Variants in MYO1B observed in about 807,000 individuals in gnomAD.
MYO1B encodes the protein unconventional myosin-Ib.
Under a neutral mutation model 159.7 loss-of-function variants are expected in MYO1B, and 72 were observed. The observed-to-expected ratio is 0.45, with a 90% CI of 0.37 to 0.55. The LOEUF (loss-of-function observed/expected upper bound fraction) is 0.55, where lower values mean the gene tolerates loss of function less well. Ranked by LOEUF, MYO1B falls within the 20% of genes least tolerant of loss-of-function variation. MYO1B has a pLI of 0.00. For missense variants in MYO1B, 1,062 were observed against 1,364.8 expected, an observed-to-expected ratio of 0.78 and a Z score of 3.50; for synonymous variants, 468 against 473.8, an observed-to-expected ratio of 0.99 and a Z score of 0.16.
intron 2 of MYO1B, among the ~76,000 whole-genome samples, chr2:191,282,730 C>G (rs1029901425): frequency 2.3e-4 from 35 of 152,118 alleles, no homozygotes; most frequent in African/African-American, 8.0e-4. Flanking sequence ...CAGACCTTTA[C>G]CCAGGTAATC....
intron 2 of MYO1B, among the ~76,000 whole-genome samples, chr2:191,291,482 C>T (rs921815475): frequency 1.3e-5 from 2 of 152,068 alleles, no homozygotes; most frequent in African/African-American, 4.8e-5. Context: ...GCTTCTCTTC[C>T]CTCCCACATC....
intron 26 of MYO1B, among the ~76,000 whole-genome samples, chr2:191,410,054 A>T (rs1290827682): frequency 6.6e-6 from 1 of 152,226 alleles, no homozygotes; most frequent in East Asian, 1.9e-4. Context: ...CATACAACAT[A>T]AGGAACTAGA....
chr2:191,347,978 C>T (rs1204359812), intron 6 of MYO1B, among the ~76,000 whole-genome samples: 2 of 152,198 alleles, frequency 1.3e-5, no homozygotes, highest in African/African-American at 4.8e-5. Context: ...CTCATCGTAG[C>T]TCACATTTTG....
intron 3 of MYO1B, among the ~76,000 whole-genome samples, chr2:191,309,477 C>A (rs1689861616): frequency 6.6e-6 from 1 of 152,162 alleles, no homozygotes; most frequent in African/African-American, 2.4e-5. Context: ...ATGGCCACTG[C>A]CTAGAGTGAT....
intron 3 of MYO1B, among the ~76,000 whole-genome samples, chr2:191,320,892 G>T (rs955693966): frequency 6.6e-5 from 10 of 151,940 alleles, no homozygotes; most frequent in Non-Finnish European, 1.2e-4. Flanking sequence ...AGTTCAAATG[G>T]CATCTCTGCC....
Position 191,421,493 on chromosome 2 carries a change from G to A in MYO1B, c.3288-2344G>A, listed in dbSNP as rs572219706. ...AAGTGGTCTTTTTTATTTATTTTGA[G>A]GCAGAGTCTCCCTCTGTCACCCAGG... On this transcript the variant is annotated intron_variant, in intron 30 of 30. Transcript: ENST00000392318. 4.4e-4 allele frequency among the ~76,000 whole-genome samples: 67 copies of A among 152,118 alleles called. No individual in the cohort carries two copies. The South Asian group carries it at 8.8e-3, about 20-fold the overall frequency.
At chr2:191,289,502 T>C (rs1688574980) in intron 2 of MYO1B, among the ~76,000 whole-genome samples, 1 of 152,228 alleles carries the variant, frequency 6.6e-6, no homozygotes, top group South Asian at 2.1e-4. Context: ...CTATGCCAGC[T>C]GTTCAATAGG....
At chr2:191,369,658 G>A in intron 12 of MYO1B, 30 bp downstream of exon 12, 2 of 1,499,540 alleles carry the variant, frequency 1.3e-6, no homozygotes, top group Non-Finnish European at 1.9e-6. Context: ...AAAATCAGTT[G>A]TAATAAATGG....
At position 191,336,881 on chromosome 2, in the gene MYO1B, T is replaced by G. The variant is rs947990378; in HGVS notation, c.347-4580T>G. ...AACTTTGGTGTCTTAACTAGAGAGA[T>G]AGAGAGGTAAAGAAGGAGATAAATA... On this transcript the variant is annotated intron_variant, in intron 4 of 30. Transcript: ENST00000392318. Among the ~76,000 whole-genome samples, 3 of 152,092 alleles carry G rather than the reference T, an allele frequency of 2.0e-5. No individual in the cohort carries two copies. In the East Asian group the frequency reaches 5.8e-4, roughly 29 times the overall value.
chr2:191,328,447 G>T lies in MYO1B; in HGVS notation c.252-1488G>T, dbSNP rs1574438136. Among the ~76,000 whole-genome samples the T allele has an allele frequency of 2.0e-5, 3 of 152,310 alleles. No individual in the cohort carries two copies. In the South Asian group the frequency reaches 6.2e-4, roughly 32 times the overall value. On this transcript the variant is annotated intron_variant, in intron 3 of 30. Coordinates refer to ENST00000392318, the MANE Select transcript of MYO1B (RefSeq NM_001130158.3). ...CAAAGGTGCTTTATCCCAGTGGTCA[G>T]TCGCAGGCGTTAGCTCTGGCCCTGC...
chr2:191,423,915 A>C lies in MYO1B; in HGVS notation c.3366A>C (p.Thr1122=). ...QGNQKNGSVP[T]CKRKNNRLLE... ...ACCAGAAAAATGGGAGTGTCCCAAC[A>C]TGTAAACGAAAAAACAACCGTCTCC... The change falls in exon 31 of 31, where the codon ACA becomes ACC. Residue 1122 remains threonine (T), a synonymous_variant. Coordinates refer to ENST00000392318, the MANE Select transcript of MYO1B (RefSeq NM_001130158.3). The C allele has an allele frequency of 6.2e-7, 1 of 1,614,016 alleles. No homozygotes were observed. The highest frequency in any genetic ancestry group is 8.5e-7 in the Non-Finnish European group (1 of 1,179,916).
At chr2:191,293,745 T>A (rs1251680986) in intron 2 of MYO1B, among the ~76,000 whole-genome samples, 1 of 152,194 alleles carries the variant, frequency 6.6e-6, no homozygotes, top group Non-Finnish European at 1.5e-5. Context: ...CTTTATGACC[T>A]GTATCTCATG....
chr2:191,393,402 G>A (rs1046594207), intron 20 of MYO1B, among the ~76,000 whole-genome samples, 180 bp downstream of exon 20: 10 of 152,278 alleles, frequency 6.6e-5, no homozygotes. Flanking sequence ...AAGCTGTTAA[G>A]TAATTTGCCC....
At chr2:191,299,664 G>T (rs1476993239) in intron 3 of MYO1B, among the ~76,000 whole-genome samples, 3 of 152,108 alleles carry the variant, frequency 2.0e-5, no homozygotes, top group African/African-American at 7.2e-5. Context: ...ATTTGATGAG[G>T]GTTCAGTAAA....
chr2:191,302,066 C>G (rs757488909), intron 3 of MYO1B, among the ~76,000 whole-genome samples: 1 of 152,218 alleles, frequency 6.6e-6, no homozygotes, highest in Non-Finnish European at 1.5e-5. Context: ...CATGTCTTTT[C>G]CTTTCTACGT....
At chr2:191,267,967 T>C (rs1333448660) in intron 1 of MYO1B, among the ~76,000 whole-genome samples, 2 of 152,196 alleles carry the variant, frequency 1.3e-5, no homozygotes, top group Admixed American at 1.3e-4. Context: ...TATGCATTTA[T>C]TTATTCATTT....
intron 4 of MYO1B, among the ~76,000 whole-genome samples, chr2:191,330,845 G>A (rs1691423633): frequency 6.6e-6 from 1 of 152,122 alleles, no homozygotes; most frequent in Admixed American, 6.5e-5. Context: ...AATTATTTTA[G>A]TATTCAAAGG....
chr2:191,282,704 CT>C lies in MYO1B; in HGVS notation c.135+5678del, dbSNP rs906357286. Reference sequence around the variant, plus strand: ...AGAGTTGGAAGTAGGAGGAGGTTCTCTTTTATCTAGACGGGCAGACCTTTAC... The same window carrying C: ...AGAGTTGGAAGTAGGAGGAGGTTCTCTTTATCTAGACGGGCAGACCTTTAC... On this transcript the variant is annotated intron_variant, in intron 2 of 30. Coordinates refer to ENST00000392318, the MANE Select transcript of MYO1B (RefSeq NM_001130158.3). Among the ~76,000 whole-genome samples, 8 of 152,272 alleles carry C rather than the reference CT, an allele frequency of 5.3e-5. No individual in the cohort carries two copies. The Middle Eastern group carries it at 0.01, about 194-fold the overall frequency.
chr2:191,399,268 G>GGGGAGA (rs59050648), intron 21 of MYO1B, among the ~76,000 whole-genome samples: 19 of 148,050 alleles, frequency 1.3e-4, no homozygotes, highest in African/African-American at 4.5e-4. Flanking sequence ...AGGAGACCGT[G>GGGGAGA]GGGAGAGGGA....
Sources: allele counts gnomAD v4.1 joint callset (sites outside exome capture counted in the v4.1 genomes callset), GRCh38; gene constraint gnomAD v4.1.1; transcripts MANE v1.5; gene names NCBI Gene and HGNC (gene_info 2026-07-23, HGNC 2026-07-21).